WDR55: variants seen among roughly 807,000 people sequenced by gnomAD.
WDR55 encodes the protein WD repeat domain 55.
A neutral mutation model predicts 34.0 loss-of-function variants in WDR55; 31 were observed. The observed-to-expected ratio is 0.91, with a 90% CI of 0.69 to 1.23. WDR55 has a LOEUF of 1.23. Among genes scored for constraint, WDR55 ranks in the 50% most tolerant of loss-of-function variants. The probability of loss-of-function intolerance (pLI) is 0.00; values close to 1 mark genes in which losing one functional copy is unlikely to be tolerated. For missense variants in WDR55, 440 were observed against 494.6 expected, an observed-to-expected ratio of 0.89 and a Z score of 1.05; for synonymous variants, 164 against 185.9, an observed-to-expected ratio of 0.88 and a Z score of 0.96.
Position 140,670,823 on chromosome 5 carries a change from A to T in WDR55, c.*1169A>T. 4.3e-6 allele frequency: 1 copy of T among 232,182 alleles called. No individual in the cohort carries two copies. The highest frequency in any genetic ancestry group is 8.7e-6 in the Non-Finnish European group (1 of 115,504). The allele number at this position is 232,182 out of a possible 1,614,324, so 14.4% of individuals were successfully genotyped here. A position where few individuals can be genotyped will look rare whatever the true frequency, so the allele number is the denominator to read the frequency against. ...TACTAACCAGGGGTTTAATATAAAT[A>T]CAACCAGCATAGAAAGACCCAAAAC... On this transcript the variant is annotated 3_prime_UTR_variant, in exon 7 of 7. Coordinates refer to ENST00000358337, the MANE Select transcript of WDR55 (RefSeq NM_017706.5).
At position 140,672,114 on chromosome 5, in the gene WDR55, T is replaced by TA. The variant is rs1358072102; in HGVS notation, c.*2461dup. The stretch of plus-strand genomic sequence containing the variant: ...TAACAGTCTGAGGAAACAGATTCTA[T>TA]AGTAGTAAAAAGCTCAGTTGGATTC... On this transcript the variant is annotated 3_prime_UTR_variant, in exon 7 of 7. Transcript: ENST00000358337. The TA allele has an allele frequency of 5.6e-6, 3 of 540,132 alleles. No homozygotes were observed. The African/African-American group carries it at 5.7e-5, about 10-fold the overall frequency. The allele number at this position is 540,132 out of a possible 1,614,324, so 33.5% of individuals were successfully genotyped here.
In WDR55 at chr5:140,672,056, G is replaced by C; in HGVS notation, c.*2402G>C. 1.8e-6 allele frequency: 1 copy of C among 564,976 alleles called. No homozygotes were observed. Among genetic ancestry groups the C allele is most frequent in the Non-Finnish European group, 3.2e-6 (1 of 315,758 alleles). The allele number at this position is 564,976 out of a possible 1,614,324, so 35.0% of individuals were successfully genotyped here. A position where few individuals can be genotyped will look rare whatever the true frequency, so the allele number is the denominator to read the frequency against. ...TGCTGTAAGTCAGTCAGTGTGCTAA[G>C]TACCGTACACCCATTATGTTACTTA... On this transcript the variant is annotated 3_prime_UTR_variant, in exon 7 of 7. Coordinates refer to ENST00000358337, the MANE Select transcript of WDR55 (RefSeq NM_017706.5).
rs966725025 is a variant in WDR55, at chr5:140,665,002, C to T, written c.90C>T (p.Asp30=). ...DSMEAPTRIR[D]TPEDIVLEAP... ...TGGAAGCCCCAACCCGGATCCGGGA[C>T]ACTCCGGAAGACATCGTGCTGGAAG... Residue 30 remains aspartate, a synonymous_variant, in exon 1 of 7, where the codon GAC becomes GAT. Coordinates refer to ENST00000358337, the MANE Select transcript of WDR55 (RefSeq NM_017706.5). 6 of 1,613,886 alleles carry T rather than the reference C, an allele frequency of 3.7e-6. No individual in the cohort carries two copies. The highest frequency in any genetic ancestry group is 5.1e-6 in the Non-Finnish European group (6 of 1,179,948).
rs1443338726 is a variant in WDR55 at position 140,671,008 on chromosome 5, G to T, written c.*1354G>T. The T allele has an allele frequency of 1.7e-5, 9 of 534,580 alleles. No individual in the cohort carries two copies. Among genetic ancestry groups the T allele is most frequent in the Non-Finnish European group, 2.7e-5 (8 of 295,010 alleles). The allele number at this position is 534,580 out of a possible 1,614,324, so 33.1% of individuals were successfully genotyped here. A position where few individuals can be genotyped will look rare whatever the true frequency, so the allele number is the denominator to read the frequency against. ...GCTAAGCTGTGGCAGAGGGGGGAAG[G>T]TATGATCGGGTGGGGGTGGGACAAG... On this transcript the variant is annotated 3_prime_UTR_variant, in exon 7 of 7. Transcript: ENST00000358337.
rs1758081591 is a variant in WDR55 at position 140,671,767 on chromosome 5, A to C, written c.*2113A>C. ...GTGACTGCCCTGTAGGAAAAATGCA[A>C]AGACAAGGGCAGGTCTAAACCCTGG... On this transcript the variant is annotated 3_prime_UTR_variant, in exon 7 of 7. Coordinates refer to ENST00000358337, the MANE Select transcript of WDR55 (RefSeq NM_017706.5). 1 of 1,558,908 alleles carries C rather than the reference A, an allele frequency of 6.4e-7. No individual in the cohort carries two copies. Among genetic ancestry groups the C allele is most frequent in the African/African-American group, 1.4e-5 (1 of 73,766 alleles).
At chr5:140,666,644 CTAA>C in intron 1 of WDR55, 1 of 984,712 alleles carries the variant, frequency 1.0e-6, no homozygotes, top group Non-Finnish European at 1.2e-6. Context: ...GTCTCCTTCA[CTAA>C]TGTTTTTCAA....
chr5:140,668,364 T>C, intron 2 of WDR55, 30 bp downstream of exon 2: 5 of 1,614,092 alleles, frequency 3.1e-6, no homozygotes, highest in Non-Finnish European at 4.2e-6. Flanking sequence ...ACCAGCAATG[T>C]GGTGGAAGGG....
In WDR55 at chr5:140,670,237, G is replaced by T. The variant is rs2149813986; in HGVS notation, c.*583G>T. On this transcript the variant is annotated 3_prime_UTR_variant, in exon 7 of 7. Coordinates refer to ENST00000358337, the MANE Select transcript of WDR55 (RefSeq NM_017706.5). Reference sequence around the variant, plus strand: ...TGGTAGAGACCAGGGGTTTCACTATGTTGACCAAGCTGGTCTTGGAACTCC... The same window carrying T: ...TGGTAGAGACCAGGGGTTTCACTATTTTGACCAAGCTGGTCTTGGAACTCC... 6.7e-6 allele frequency: 1 copy of T among 150,132 alleles called. No individual in the cohort carries two copies. The highest frequency in any genetic ancestry group is 2.0e-4 in the East Asian group (1 of 5,006). The allele number at this position is 150,132 out of a possible 1,614,324, so 9.3% of individuals were successfully genotyped here.
chr5:140,668,104 T>C (rs1268699526), intron 1 of WDR55, 130 bp from the exon 2 acceptor site: 3 of 1,024,568 alleles, frequency 2.9e-6, no homozygotes, highest in Non-Finnish European at 4.1e-6. Flanking sequence ...ATGGTAAACT[T>C]TTTGGGCTTA....
Position 140,672,206 on chromosome 5 carries a change from G to GT in WDR55, c.*2553dup, listed in dbSNP as rs1758099082. On this transcript the variant is annotated 3_prime_UTR_variant, in exon 7 of 7. Transcript: ENST00000358337. ...GAGGGTCCTGTGCCTATTTTGCGGT[G>GT]TGGGGGTGGGGGAAGGTTGAGAATT... 5.1e-6 allele frequency: 3 copies of GT among 590,078 alleles called. No individual in the cohort carries two copies. The East Asian group carries it at 8.5e-5, about 17-fold the overall frequency. The allele number at this position is 590,078 out of a possible 1,614,324, so 36.6% of individuals were successfully genotyped here. A position where few individuals can be genotyped will look rare whatever the true frequency, so the allele number is the denominator to read the frequency against.
Position 140,669,878 on chromosome 5 carries a change from A to G in WDR55, c.*224A>G. The G allele has an allele frequency of 1.9e-6, 1 of 535,090 alleles. No homozygotes were observed. The highest frequency in any genetic ancestry group is 3.3e-6 in the Non-Finnish European group (1 of 304,446). 33.1% of individuals were successfully genotyped at this position (535,090 alleles called of 1,614,324 possible). On this transcript the variant is annotated 3_prime_UTR_variant, in exon 7 of 7. Coordinates refer to ENST00000358337, the MANE Select transcript of WDR55 (RefSeq NM_017706.5). ...GGAGCAGCTGGGACTACAGGTGTGC[A>G]CTACCACACCAGGCCAATTTTTGTT...
chr5:140,669,011 A>T (rs1374325816), intron 5 of WDR55, 21 bp downstream of exon 5: 3 of 1,613,948 alleles, frequency 1.9e-6, no homozygotes, highest in Middle Eastern at 1.6e-4. Context: ...TTATGGTGGG[A>T]TGGAGGGGTG....
chr5:140,666,380 G>A (rs571790220), intron 1 of WDR55, among the ~76,000 whole-genome samples: 1 of 152,158 alleles, frequency 6.6e-6, no homozygotes, highest in Non-Finnish European at 1.5e-5. Context: ...TGGGCAACAA[G>A]AGCAAAACTC....
chr5:140,671,158 A>G lies in WDR55; in HGVS notation c.*1504A>G. 4.4e-6 allele frequency: 5 copies of G among 1,140,874 alleles called. No homozygotes were observed. The highest frequency in any genetic ancestry group is 5.2e-6 in the Non-Finnish European group (4 of 774,788). 70.7% of individuals were successfully genotyped at this position (1,140,874 alleles called of 1,614,324 possible). On this transcript the variant is annotated 3_prime_UTR_variant, in exon 7 of 7. Transcript: ENST00000358337. The stretch of plus-strand genomic sequence containing the variant: ...AGGTGCCATAGGTCCCTGTCCCAGC[A>G]GGGAGGCTGATGGGCCTGGGCCCAT...
chr5:140,670,188 TGAC>T lies in WDR55; in HGVS notation c.*535_*537del, dbSNP rs1758039306. The T allele has an allele frequency of 6.5e-6, 1 of 153,120 alleles. No individual in the cohort carries two copies. Among genetic ancestry groups the T allele is most frequent in the African/African-American group, 2.4e-5 (1 of 41,008 alleles). The allele number at this position is 153,120 out of a possible 1,614,324, so 9.5% of individuals were successfully genotyped here. On this transcript the variant is annotated 3_prime_UTR_variant, in exon 7 of 7. Transcript: ENST00000358337. The stretch of plus-strand genomic sequence containing the variant: ...CTTAACAGGCATCTGCCACCATGCT[TGAC>T]TAATTTTTGTGATTTTTTTTTGGTA...
Position 140,668,998 on chromosome 5 carries a change from T to C in WDR55, c.660+8T>C. On this transcript the variant is annotated splice_region_variant and intron_variant, in intron 5 of 6. Transcript: ENST00000358337. ...TCTGTCACTCTCATGAAAGTACAGC[T>C]GGTTATGGTGGGATGGAGGGGTGTG... The C allele has an allele frequency of 3.1e-6, 5 of 1,614,162 alleles. No individual in the cohort carries two copies. Among genetic ancestry groups the C allele is most frequent in the Non-Finnish European group, 4.2e-6 (5 of 1,180,016 alleles).
chr5:140,668,645 GA>G lies in WDR55; in HGVS notation c.416del (p.Asn139MetfsTer23). 6.2e-7 allele frequency: 1 copy of G among 1,614,084 alleles called. No homozygotes were observed. Among genetic ancestry groups the G allele is most frequent in the Non-Finnish European group, 8.5e-7 (1 of 1,179,958 alleles). On this transcript the variant is annotated frameshift_variant, in exon 4 of 7. Coordinates refer to ENST00000358337, the MANE Select transcript of WDR55 (RefSeq NM_017706.5). LOFTEE classifies it high-confidence loss of function. Reference protein sequence around the residue: ...PINSLLLVDENVLATGDDTGG... With the variant: ...PINSLLLVDEXVLATGDDTGG... ...TCAATAGTCTTCTGCTGGTGGATGA[GA>G]ATGTTCTGGCCACTGGGGATGACAC...
rs757180420 is a variant in WDR55, at chr5:140,671,828, C to G, written c.*2174C>G. 1 of 1,453,258 alleles carries G rather than the reference C, an allele frequency of 6.9e-7. No homozygotes were observed. The highest frequency in any genetic ancestry group is 1.2e-5 in the South Asian group (1 of 81,728). 90.0% of individuals were successfully genotyped at this position (1,453,258 alleles called of 1,614,324 possible). ...CCAGGTGGTGAGCCCTTTGGAGCTA[C>G]ACAGTCCTGTTATTTGTAGCCTTCC... On this transcript the variant is annotated 3_prime_UTR_variant, in exon 7 of 7. Transcript: ENST00000358337.
At position 140,668,272 on chromosome 5, in the gene WDR55, T is replaced by C. The variant is rs1757969760; in HGVS notation, c.230T>C (p.Leu77Pro). ...YSCQEGETKE[L>P]WSSGHHLKAC... ...TGCCAAGAGGGAGAAACCAAGGAGC[T>C]CTGGTCATCAGGTCACCATCTCAAG... Residue 77 changes from leucine to proline, a missense_variant, in exon 2 of 7, where the codon CTC becomes CCC. By Grantham distance (98) the Leu-to-Pro change is moderately conservative. Coordinates refer to ENST00000358337, the MANE Select transcript of WDR55 (RefSeq NM_017706.5). 6.2e-7 allele frequency: 1 copy of C among 1,613,366 alleles called. No homozygotes were observed. Among genetic ancestry groups the C allele is most frequent in the East Asian group, 2.2e-5 (1 of 44,864 alleles).
Sources: allele counts gnomAD v4.1 joint callset (sites outside exome capture counted in the v4.1 genomes callset), GRCh38; gene constraint gnomAD v4.1.1; transcripts MANE v1.5; gene names NCBI Gene and HGNC (gene_info 2026-07-23, HGNC 2026-07-21).